LUC7L2: variants seen among roughly 807,000 people sequenced by gnomAD.
LUC7L2 encodes the protein LUC7 like 2, pre-mRNA splicing factor.
A neutral mutation model predicts 52.8 loss-of-function variants in LUC7L2; 25 were observed. The ratio of observed to expected loss-of-function variants is 0.47; its 90% CI spans 0.34 to 0.66. LUC7L2 has a LOEUF of 0.66. LUC7L2 is among the 30% of genes least tolerant of loss of function. LUC7L2 has a pLI of 0.01. For synonymous variants in LUC7L2, 144 were observed against 160.9 expected (o/e 0.89, Z 0.80); for missense variants, 328 against 497.8 (o/e 0.66, Z 3.25).
rs1794946304 is a variant in LUC7L2, at chr7:139,402,238, A to G, written c.357A>G (p.Val119=). 1 of 1,600,564 alleles carries G rather than the reference A, an allele frequency of 6.2e-7. No individual in the cohort carries two copies. The change falls in exon 4 of 10, where the codon GTA becomes GTG. Residue 119 remains valine (V), a synonymous_variant. Coordinates refer to ENST00000354926, the MANE Select transcript of LUC7L2 (RefSeq NM_016019.5). The part of the protein sequence containing the change: ...AETQEEISAE[V]AAKAERVHEL... ...CTCAAGAAGAGATTAGTGCTGAAGT[A>G]GCAGCAAAGGTAAGAATTTTAATCA...
chr7:139,341,606 T>A, intron 1 of LUC7L2: 1 of 1,540,986 alleles, frequency 6.5e-7, no homozygotes, highest in Non-Finnish European at 8.8e-7. Context: ...GCACGGTGTT[T>A]AATTCCTGCA....
chr7:139,373,447 G>A (rs923807109), intron 1 of LUC7L2, among the ~76,000 whole-genome samples: 1 of 152,142 alleles, frequency 6.6e-6, no homozygotes, highest in Non-Finnish European at 1.5e-5. Flanking sequence ...TATTTGTTGA[G>A]TTTGCTACGG....
At chr7:139,384,147 G>A (rs1208572982) in intron 2 of LUC7L2, among the ~76,000 whole-genome samples, 1 of 152,036 alleles carries the variant, frequency 6.6e-6, no homozygotes, top group Non-Finnish European at 1.5e-5. Context: ...TCCCATAAAT[G>A]GTTTATTTTG....
rs1253663574 is a variant in LUC7L2, at chr7:139,341,611, C to T, written c.-26+1094C>T. On this transcript the variant is annotated intron_variant, in intron 1 of 10. Coordinates refer to the LUC7L2 transcript ENST00000541170. ...AGGGTGGGGAGCACGGTGTTTAATTCCTGCATTTCTGAGGCCAACCCTCCC... is the reference window on the plus strand; with the variant it reads ...AGGGTGGGGAGCACGGTGTTTAATTTCTGCATTTCTGAGGCCAACCCTCCC... 6.5e-6 allele frequency: 10 copies of T among 1,532,582 alleles called. No homozygotes were observed. The East Asian group carries it at 1.2e-4, about 18-fold the overall frequency. The allele number at this position is 1,532,582 out of a possible 1,614,324, so 94.9% of individuals were successfully genotyped here. A position where few individuals can be genotyped will look rare whatever the true frequency, so the allele number is the denominator to read the frequency against.
Position 139,417,547 on chromosome 7 carries a change from C to T in LUC7L2, c.819C>T (p.Ser273=), listed in dbSNP as rs763661447. The T allele has an allele frequency of 6.2e-7, 1 of 1,613,382 alleles. No individual in the cohort carries two copies. Among genetic ancestry groups the T allele is most frequent in the South Asian group, 1.1e-5 (1 of 91,030 alleles). ...SHSKNPKRSR[S]REHRRHRSRS... ...AAATCTTGTCTGGTAGATCCAGGTC[C>T]AGAGAGCATCGCAGACATCGATCTC... Residue 273 remains serine, a synonymous_variant, in exon 9 of 10, where the codon TCC becomes TCT. Transcript: ENST00000354926.
Position 139,351,621 on chromosome 7 carries a change from C to A in LUC7L2, c.-26+11104C>A, listed in dbSNP as rs1052684030. 2.0e-5 allele frequency among the ~76,000 whole-genome samples: 3 copies of A among 152,338 alleles called. 1 individual carries two copies. The South Asian group carries it at 6.2e-4, about 32-fold the overall frequency. On this transcript the variant is annotated intron_variant, in intron 1 of 10. Transcript: ENST00000541170. The stretch of plus-strand genomic sequence containing the variant: ...AGACTTTAACAAGAACCTCCAGGGC[C>A]TGGCCCTTGCCAGACCTCTTCAGCT...
rs34846398 is a variant in LUC7L2, at chr7:139,379,370, CT to C, written c.156+3225del. Among the ~76,000 whole-genome samples, 86 of 144,488 alleles carry C rather than the reference CT, an allele frequency of 6.0e-4. 1 individual carries two copies. Among genetic ancestry groups the C allele is most frequent in the South Asian group, 3.1e-3 (14 of 4,564 alleles). 94.8% of individuals were successfully genotyped at this position (144,488 alleles called of 152,430 possible). A position where few individuals can be genotyped will look rare whatever the true frequency, so the allele number is the denominator to read the frequency against. ...AAGTATCCAGAAATGCATTTCCTGC[CT>C]TTTTTTTTTTCTCATTATAAAGAGG... is the stretch of plus-strand genomic sequence containing the variant. On this transcript the variant is annotated intron_variant, in intron 2 of 9. Coordinates refer to ENST00000354926, the MANE Select transcript of LUC7L2 (RefSeq NM_016019.5).
At chr7:139,352,144 A>G (rs1353160995) in intron 1 of LUC7L2, among the ~76,000 whole-genome samples, 1 of 152,114 alleles carries the variant, frequency 6.6e-6, no homozygotes, top group Non-Finnish European at 1.5e-5. Flanking sequence ...GCAGTGAGCT[A>G]TGATCATAGC....
At chr7:139,345,823 GTTC>G in intron 1 of LUC7L2, 2 of 1,096,430 alleles carry the variant, frequency 1.8e-6, no homozygotes, top group Non-Finnish European at 2.5e-6. Context: ...TTGTTTACTA[GTTC>G]TTAGGGGAAT....
rs200959870 is a variant in LUC7L2 at position 139,402,121 on chromosome 7, T to C, written c.256-16T>C. 13 of 1,567,936 alleles carry C rather than the reference T, an allele frequency of 8.3e-6. No individual in the cohort carries two copies. The highest frequency in any genetic ancestry group is 1.4e-5 in the African/African-American group (1 of 71,828). ...TTGACTTTCTGACAGTAATTGTCTTTAATTAAACTTTGTAGGCCATGGATC... is the reference window on the plus strand; with the variant it reads ...TTGACTTTCTGACAGTAATTGTCTTCAATTAAACTTTGTAGGCCATGGATC... On this transcript the variant is annotated splice_polypyrimidine_tract_variant and intron_variant, in intron 3 of 9. Transcript: ENST00000354926.
intron 4 of LUC7L2, 65 bp downstream of exon 4, chr7:139,402,312 T>A: frequency 7.0e-7 from 1 of 1,420,498 alleles, no homozygotes; most frequent in African/African-American, 1.5e-5. Flanking sequence ...TAAGTTTTTA[T>A]TTTGAAATAA....
intron 7 of LUC7L2, among the ~76,000 whole-genome samples, chr7:139,412,131 A>G (rs1023532439): frequency 6.6e-6 from 1 of 152,072 alleles, no homozygotes; most frequent in African/African-American, 2.4e-5. Context: ...GCCACCTGTA[A>G]TCCCAGCACT....
At chr7:139,341,330 G>C (rs1798944005) in intron 1 of LUC7L2, 1 of 1,569,690 alleles carries the variant, frequency 6.4e-7, no homozygotes, top group Admixed American at 1.7e-5. Context: ...CCGGAGGAGG[G>C]GTTTTCAGGG....
rs538021116 is a variant in LUC7L2, at chr7:139,380,789, A to G, written c.156+4633A>G. Among the ~76,000 whole-genome samples the G allele has an allele frequency of 2.6e-5, 4 of 152,246 alleles. No homozygotes were observed. The South Asian group carries it at 6.2e-4, about 24-fold the overall frequency. ...CCAAGCTGTCATTTTTTTCCTCAACACATTTCTTCTGGTACGTATCTTCCC... is the reference window on the plus strand; with the variant it reads ...CCAAGCTGTCATTTTTTTCCTCAACGCATTTCTTCTGGTACGTATCTTCCC... On this transcript the variant is annotated intron_variant, in intron 2 of 9. Transcript: ENST00000354926.
chr7:139,369,228 T>C (rs1800318774), intron 1 of LUC7L2, among the ~76,000 whole-genome samples: 1 of 152,252 alleles, frequency 6.6e-6, no homozygotes, highest in Non-Finnish European at 1.5e-5. Flanking sequence ...CAATTGTTAC[T>C]ATGTCAGAAT....
At chr7:139,407,491 A>C in intron 6 of LUC7L2, 141 bp downstream of exon 6, 2 of 1,024,068 alleles carry the variant, frequency 2.0e-6, no homozygotes, top group Non-Finnish European at 2.5e-6. Flanking sequence ...TTATAGATGG[A>C]AATTCAAGTT....
At chr7:139,353,571 G>A (rs904733644) in intron 1 of LUC7L2, among the ~76,000 whole-genome samples, 3 of 152,098 alleles carry the variant, frequency 2.0e-5, no homozygotes, top group African/African-American at 7.2e-5. Context: ...GGAGGCCAAG[G>A]CGGGTGGATC....
At chr7:139,397,489 T>C (rs775033976) in intron 2 of LUC7L2, among the ~76,000 whole-genome samples, 1 of 152,198 alleles carries the variant, frequency 6.6e-6, no homozygotes, top group African/African-American at 2.4e-5. Context: ...GCACCTAAAG[T>C]AGTGCTTACC....
intron 2 of LUC7L2, among the ~76,000 whole-genome samples, chr7:139,385,036 G>A (rs1794132307): frequency 6.6e-6 from 1 of 152,170 alleles, no homozygotes; most frequent in African/African-American, 2.4e-5. Flanking sequence ...ACCATGTATA[G>A]TAATATCTTA....
Sources: gnomAD v4.1 joint callset for allele counts (sites outside exome capture counted in the v4.1 genomes callset) on GRCh38, gnomAD v4.1.1 for gene constraint, MANE v1.5 for transcripts, NCBI Gene and HGNC (gene_info 2026-07-23, HGNC 2026-07-21) for gene names.